UBE3D: variants seen among roughly 807,000 people sequenced by gnomAD.
UBE3D encodes the protein ubiquitin protein ligase E3D.
A neutral mutation model predicts 49.6 loss-of-function variants in UBE3D; 48 were observed. That is an observed-to-expected ratio of 0.97 (90% CI 0.77 to 1.23). The LOEUF (loss-of-function observed/expected upper bound fraction) is 1.23, where lower values mean the gene tolerates loss of function less well. UBE3D is among the 50% of genes most tolerant of loss of function. The pLI, the probability that UBE3D is intolerant of heterozygous loss-of-function variation, is 0.00. For synonymous variants in UBE3D, 189 were observed against 174.2 expected, an observed-to-expected ratio of 1.08 and a Z score of -0.67; for missense variants, 452 against 468.4, an observed-to-expected ratio of 0.96 and a Z score of 0.32.
intron 9 of UBE3D, among the ~76,000 whole-genome samples, chr6:82,951,398 G>A (rs949439500): frequency 1.3e-5 from 2 of 152,206 alleles, no homozygotes; most frequent in Admixed American, 6.5e-5. Flanking sequence ...GGAGCAGCTG[G>A]TTGGAGCTGG....
intron 8 of UBE3D, 78 bp from the exon 9 acceptor site, chr6:82,957,528 C>T (rs375776740): frequency 3.4e-6 from 5 of 1,482,950 alleles, no homozygotes; most frequent in Non-Finnish European, 4.5e-6. Flanking sequence ...AAGAAGAAAA[C>T]TCAATTGTGA....
At chr6:83,042,070 C>T (rs1011374724) in intron 4 of UBE3D, among the ~76,000 whole-genome samples, 5 of 152,048 alleles carry the variant, frequency 3.3e-5, no homozygotes, top group South Asian at 2.1e-4. Context: ...CCACCACACC[C>T]GGCTAATTTT....
chr6:82,985,009 T>C (rs7755877), intron 8 of UBE3D, among the ~76,000 whole-genome samples: 2,627 of 13,534 alleles, frequency 0.19, 24 homozygotes, highest in African/African-American at 0.25. Flanking sequence ...CTTCTTCTTC[T>C]TTTTTTTTTT....
intron 9 of UBE3D, among the ~76,000 whole-genome samples, chr6:82,956,673 G>C (rs1776178569): frequency 6.6e-6 from 1 of 152,164 alleles, no homozygotes; most frequent in Non-Finnish European, 1.5e-5. Flanking sequence ...CTTGGGAGAA[G>C]GGAGGTGGCA....
intron 4 of UBE3D, among the ~76,000 whole-genome samples, chr6:83,043,680 A>G (rs1037126950): frequency 6.6e-6 from 1 of 152,230 alleles, no homozygotes; most frequent in Non-Finnish European, 1.5e-5. Context: ...ACAATGTTTT[A>G]GTTCCCACCA....
rs191518226 is a variant in UBE3D, at chr6:82,895,795, C to T, written c.1150-2753G>A. On this transcript the variant is annotated intron_variant, in intron 9 of 9. Coordinates refer to ENST00000369747, the MANE Select transcript of UBE3D (RefSeq NM_198920.3). Reference sequence around the variant, plus strand: ...TGATTTCTAATCCATGCTTTTCCCACTATAACTTTACAGATGAATGACAGA... The same window carrying T: ...TGATTTCTAATCCATGCTTTTCCCATTATAACTTTACAGATGAATGACAGA... Among the ~76,000 whole-genome samples, 87 of 152,296 alleles carry T rather than the reference C, an allele frequency of 5.7e-4. 1 individual carries two copies. The highest frequency in any genetic ancestry group is 1.5e-4 in the Non-Finnish European group (10 of 68,024).
chr6:82,946,346 T>C (rs1775399554), intron 9 of UBE3D, among the ~76,000 whole-genome samples: 1 of 151,146 alleles, frequency 6.6e-6, no homozygotes, highest in African/African-American at 2.4e-5. Flanking sequence ...CAGGAGAGAG[T>C]GGCATGACCT....
intron 3 of UBE3D, among the ~76,000 whole-genome samples, chr6:83,052,491 A>C (rs1325825639): frequency 6.6e-6 from 1 of 152,170 alleles, no homozygotes; most frequent in Admixed American, 6.5e-5. Context: ...AAGTTCAGGT[A>C]GGAGCCAACG....
intron 5 of UBE3D, among the ~76,000 whole-genome samples, chr6:83,028,905 CT>C (rs1582684569): frequency 6.6e-6 from 1 of 152,112 alleles, no homozygotes; most frequent in East Asian, 1.9e-4. Flanking sequence ...GTTGTCACAT[CT>C]TTTTCCCCCC....
At chr6:82,948,142 A>C (rs1582435384) in intron 9 of UBE3D, among the ~76,000 whole-genome samples, 4 of 152,044 alleles carry the variant, frequency 2.6e-5, no homozygotes, top group African/African-American at 9.6e-5. Context: ...ATAACTACGA[A>C]AACATGAGAG....
At chr6:82,976,769 C>T (rs1777746726) in intron 8 of UBE3D, among the ~76,000 whole-genome samples, 1 of 152,096 alleles carries the variant, frequency 6.6e-6, no homozygotes, top group Admixed American at 6.5e-5. Flanking sequence ...CCAGGTTCTT[C>T]TAAGTGAAAT....
At chr6:83,061,342 A>T (rs998810642) in intron 1 of UBE3D, among the ~76,000 whole-genome samples, 4 of 152,172 alleles carry the variant, frequency 2.6e-5, no homozygotes, top group African/African-American at 9.7e-5. Flanking sequence ...GTTATTAGGG[A>T]TATTATGTAG....
At chr6:82,982,628 G>A (rs56675207) in intron 8 of UBE3D, among the ~76,000 whole-genome samples, 4,252 of 152,202 alleles carry the variant, frequency 0.028, 188 homozygotes, top group African/African-American at 0.097. Flanking sequence ...AAGCTTGATC[G>A]GGTTTGCTGT....
At chr6:83,054,588 C>T (rs1453517154) in intron 2 of UBE3D, among the ~76,000 whole-genome samples, 1 of 151,966 alleles carries the variant, frequency 6.6e-6, no homozygotes, top group Middle Eastern at 3.2e-3. Flanking sequence ...TTCTCAGCTT[C>T]CCTCTGCTGT....
rs757284113 is a variant in UBE3D at position 82,957,366 on chromosome 6, C to G, written c.1095G>C (p.Leu365Phe). 6.2e-7 allele frequency: 1 copy of G among 1,614,104 alleles called. No individual in the cohort carries two copies. The highest frequency in any genetic ancestry group is 1.1e-5 in the South Asian group (1 of 91,084). ...AAGGCAGATTGGCATTACTCTTTGA[C>G]AATATCAACAGCAGCTCCAAGCAGG... The part of the protein sequence containing the change: ...SATCLELLLI[L>F]SKSNANLPSS... Residue 365 changes from leucine to phenylalanine, a missense_variant, in exon 9 of 10, where the codon TTG becomes TTC. Physicochemically the swap from Leu to Phe is conservative, Grantham distance 22. Coordinates refer to ENST00000369747, the MANE Select transcript of UBE3D (RefSeq NM_198920.3).
At chr6:82,904,452 T>C (rs1330805539) in intron 9 of UBE3D, among the ~76,000 whole-genome samples, 1 of 152,126 alleles carries the variant, frequency 6.6e-6, no homozygotes, top group Non-Finnish European at 1.5e-5. Context: ...TTGGGAGAGC[T>C]GAGATTGAAT....
chr6:82,982,035 A>C (rs1778149997), intron 8 of UBE3D, among the ~76,000 whole-genome samples: 1 of 152,198 alleles, frequency 6.6e-6, no homozygotes, highest in African/African-American at 2.4e-5. Context: ...GTTTCTCATG[A>C]AAATCATTTA....
At chr6:82,897,102 G>A (rs1771380016) in intron 9 of UBE3D, among the ~76,000 whole-genome samples, 1 of 151,870 alleles carries the variant, frequency 6.6e-6, no homozygotes, top group African/African-American at 2.4e-5. Flanking sequence ...GCTTTAGAAA[G>A]GACTCTTTAC....
intron 8 of UBE3D, among the ~76,000 whole-genome samples, chr6:82,961,709 T>A (rs562439825): frequency 2.0e-4 from 31 of 152,352 alleles, no homozygotes; most frequent in African/African-American, 7.5e-4. Flanking sequence ...AGTATTTTGA[T>A]CTTTTTTTAA....
Sources: allele counts gnomAD v4.1 joint callset (sites outside exome capture counted in the v4.1 genomes callset), GRCh38; gene constraint gnomAD v4.1.1; transcripts MANE v1.5; gene names NCBI Gene and HGNC (gene_info 2026-07-23, HGNC 2026-07-21).